The following PCMT1 variants were observed in gnomAD, a reference collection of about 807,000 sequenced individuals.
PCMT1 encodes the protein protein-L-isoaspartate(D-aspartate) O-methyltransferase.
A neutral mutation model predicts 29.2 loss-of-function variants in PCMT1; 9 were observed. The observed-to-expected ratio is 0.31, with a 90% CI of 0.19 to 0.54. The LOEUF is 0.54. Among genes scored for constraint, PCMT1 ranks in the 20% least tolerant of loss-of-function variants. The pLI is 0.95. For synonymous variants in PCMT1, 98 were observed against 97.5 expected (o/e 1.00, Z -0.03); for missense variants, 184 against 282.2 (o/e 0.65, Z 2.49).
chr6:149,809,342 T>G (rs964271965), intron 7 of PCMT1, among the ~76,000 whole-genome samples: 1 of 151,702 alleles, frequency 6.6e-6, no homozygotes, highest in African/African-American at 2.4e-5. Flanking sequence ...TGAATTTTAC[T>G]TTATGAATAG....
At chr6:149,786,233 C>T (rs1424646715) in intron 3 of PCMT1, among the ~76,000 whole-genome samples, 13 of 128,380 alleles carry the variant, frequency 1.0e-4, no homozygotes, top group Non-Finnish European at 1.8e-4. Context: ...CACCTCCCTC[C>T]CAGACGGGAC....
intron 1 of PCMT1, among the ~76,000 whole-genome samples, chr6:149,751,325 A>T (rs1412081089): frequency 1.3e-5 from 2 of 152,144 alleles, no homozygotes; most frequent in Non-Finnish European, 2.9e-5. Context: ...CCTCAAAAAA[A>T]AAATTTTTTT....
rs905604847 is a variant in PCMT1, at chr6:149,758,850, A to G, written c.55+8894A>G. ...GCTTTACCGTAACTTGCCATCACAT[A>G]AAATTCTTCCTTAATTATATTGTGA... is the stretch of plus-strand genomic sequence containing the variant. On this transcript the variant is annotated intron_variant, in intron 1 of 7. Transcript: ENST00000464889. 1.6e-4 allele frequency among the ~76,000 whole-genome samples: 25 copies of G among 152,208 alleles called. 1 individual carries two copies. The highest frequency in any genetic ancestry group is 4.6e-4 in the African/African-American group (19 of 41,462).
At chr6:149,762,852 ATATC>A (rs1323116084) in intron 1 of PCMT1, among the ~76,000 whole-genome samples, 2 of 54,282 alleles carry the variant, frequency 3.7e-5, no homozygotes, top group Admixed American at 3.4e-4. Flanking sequence ...TCTATGATAT[ATATC>A]TATGATATAT....
intron 3 of PCMT1, among the ~76,000 whole-genome samples, chr6:149,779,845 A>G (rs996964501): frequency 6.6e-6 from 1 of 151,952 alleles, no homozygotes; most frequent in Non-Finnish European, 1.5e-5. Context: ...GCTAAAAGTC[A>G]TTTTGGAGAA....
chr6:149,769,405 C>G (rs1562402987), intron 1 of PCMT1, among the ~76,000 whole-genome samples: 1 of 148,858 alleles, frequency 6.7e-6, no homozygotes, highest in Non-Finnish European at 1.5e-5. Flanking sequence ...ACCTCAGCCT[C>G]CGGGTTCAAG....
chr6:149,789,066 A>ATTTTTTTTTTTTTTTTTTTTTTTTTTTT (rs56661461), intron 3 of PCMT1, among the ~76,000 whole-genome samples: 1 of 90,476 alleles, frequency 1.1e-5, no homozygotes. Flanking sequence ...ATTGGATCTG[A>ATTTTTTTTTTTTTTTTTTTTTTTTTTTT]TTTTTTTTTT....
At chr6:149,766,753 A>C (rs1454417220) in intron 1 of PCMT1, among the ~76,000 whole-genome samples, 1 of 152,146 alleles carries the variant, frequency 6.6e-6, no homozygotes, top group Non-Finnish European at 1.5e-5. Context: ...TTTCACCCAA[A>C]AAGTTTTCTG....
Position 149,786,417 on chromosome 6 carries a change from A to AC in PCMT1, c.193-3531dup, listed in dbSNP as rs1274258412. 6.1e-5 allele frequency among the ~76,000 whole-genome samples: 5 copies of AC among 81,638 alleles called. 1 individual carries two copies. The highest frequency in any genetic ancestry group is 1.1e-4 in the African/African-American group (2 of 19,028). The allele number at this position is 81,638 out of a possible 152,430, so 53.6% of individuals were successfully genotyped here. On this transcript the variant is annotated intron_variant, in intron 3 of 7. Transcript: ENST00000464889. ...GGGGTGGCTGGCCGGGCGGGGGCTG[A>AC]CCCCCCACCTCCCTCCCGGACGGGG...
chr6:149,765,672 T>C (rs1271837606), intron 1 of PCMT1: 3 of 375,450 alleles, frequency 8.0e-6, no homozygotes. Context: ...TTATTTTTTA[T>C]TTTTTATTTT....
At chr6:149,792,548 T>C (rs1301597534) in intron 4 of PCMT1, among the ~76,000 whole-genome samples, 1 of 152,178 alleles carries the variant, frequency 6.6e-6, no homozygotes, top group East Asian at 1.9e-4. Flanking sequence ...GGTCTCAGTC[T>C]GTCATCCAGG....
rs1407016123 is a variant in PCMT1, at chr6:149,756,512, C to CTATTTTTTTTTT, written c.55+6557_55+6558insATTTTTTTTTTT. 4.0e-5 allele frequency among the ~76,000 whole-genome samples: 3 copies of CTATTTTTTTTTT among 74,720 alleles called. 1 individual carries two copies. The highest frequency in any genetic ancestry group is 1.6e-4 in the African/African-American group (3 of 18,610). 49.0% of individuals were successfully genotyped at this position (74,720 alleles called of 152,430 possible). A position where few individuals can be genotyped will look rare whatever the true frequency, so the allele number is the denominator to read the frequency against. ...TACAGATGCACACCACCATGACTGGCTTTTTTTTTTTTTTTTTTTTTTTTT... is the reference window on the plus strand; with the variant it reads ...TACAGATGCACACCACCATGACTGGCTATTTTTTTTTTTTTTTTTTTTTTTTTTTTTTTTTTT... On this transcript the variant is annotated intron_variant, in intron 1 of 7. Transcript: ENST00000464889.
Position 149,785,260 on chromosome 6 carries a change from T to C in PCMT1, c.193-4694T>C, listed in dbSNP as rs185648525. ...GTCCATAATGTCTGGTCATCCACTT[T>C]TAGTGACTGGAATAAGTAGTTGTTA... On this transcript the variant is annotated intron_variant, in intron 3 of 7. Coordinates refer to ENST00000464889, the MANE Select transcript of PCMT1 (RefSeq NM_001360452.2). Among the ~76,000 whole-genome samples the C allele has an allele frequency of 1.7e-4, 20 of 120,648 alleles. 1 individual carries two copies. Among genetic ancestry groups the C allele is most frequent in the Non-Finnish European group, 3.2e-4 (20 of 61,922 alleles). The allele number at this position is 120,648 out of a possible 152,430, so 79.1% of individuals were successfully genotyped here.
rs542225401 is a variant in PCMT1, at chr6:149,787,042, C to T, written c.193-2912C>T. 2.1e-3 allele frequency among the ~76,000 whole-genome samples: 271 copies of T among 130,780 alleles called. 10 individuals carry two copies. The highest frequency in any genetic ancestry group is 8.7e-3 in the African/African-American group (258 of 29,582). The allele number at this position is 130,780 out of a possible 152,430, so 85.8% of individuals were successfully genotyped here. ...CTGCAATCCTGGCACCTCGGGAGGC[C>T]GAGGCTGGTGGATCACTCCGGTTAG... On this transcript the variant is annotated intron_variant, in intron 3 of 7. Transcript: ENST00000464889.
chr6:149,806,927 T>G (rs1776035089), intron 7 of PCMT1, among the ~76,000 whole-genome samples: 1 of 152,152 alleles, frequency 6.6e-6, no homozygotes, highest in Admixed American at 6.6e-5. Flanking sequence ...TATAATACTT[T>G]CCTAGGAACC....
chr6:149,753,225 A>G (rs1408444554), intron 1 of PCMT1, among the ~76,000 whole-genome samples: 1 of 152,196 alleles, frequency 6.6e-6, no homozygotes, highest in Non-Finnish European at 1.5e-5. Flanking sequence ...ATTCTTCCTA[A>G]ATTAAAGGCT....
chr6:149,792,980 G>A (rs1187818431), intron 4 of PCMT1, among the ~76,000 whole-genome samples: 3 of 151,994 alleles, frequency 2.0e-5, no homozygotes, highest in African/African-American at 7.2e-5. Flanking sequence ...GACCAACGTG[G>A]TGAAACCCTG....
In PCMT1 at chr6:149,763,058, GAT is replaced by G. The variant is rs1223542934; in HGVS notation, c.56-8095_56-8094del. Among the ~76,000 whole-genome samples the G allele has an allele frequency of 2.1e-4, 12 of 56,274 alleles. 3 individuals are homozygous for G. Among genetic ancestry groups the G allele is most frequent in the Admixed American group, 8.9e-4 (3 of 3,386 alleles). 36.9% of individuals were successfully genotyped at this position (56,274 alleles called of 152,430 possible). ...TGATATCTATGATATGTATATCTAT[GAT>G]ATATATATCTATGATATGTATATCT... is the stretch of plus-strand genomic sequence containing the variant. On this transcript the variant is annotated intron_variant, in intron 1 of 7. Coordinates refer to ENST00000464889, the MANE Select transcript of PCMT1 (RefSeq NM_001360452.2).
chr6:149,750,271 C>T (rs1469257179), intron 1 of PCMT1: 2 of 350,022 alleles, frequency 5.7e-6, no homozygotes, highest in African/African-American at 2.1e-5. Flanking sequence ...CTCAGGTCCG[C>T]GTCCGGGTCC....
Sources: allele counts gnomAD v4.1 joint callset (sites outside exome capture counted in the v4.1 genomes callset), GRCh38; gene constraint gnomAD v4.1.1; transcripts MANE v1.5; gene names NCBI Gene and HGNC (gene_info 2026-07-23, HGNC 2026-07-21).